CYTH1: variants seen among roughly 807,000 people sequenced by gnomAD.
The protein encoded by CYTH1 is cytohesin-1.
CYTH1 carries 18 observed loss-of-function variants against 61.8 expected under a neutral mutation model. The observed-to-expected ratio is 0.29, with a 90% CI of 0.20 to 0.43. The LOEUF is 0.43. Among genes scored for constraint, CYTH1 ranks in the 20% least tolerant of loss-of-function variants. The pLI is 1.00. For synonymous variants in CYTH1, 174 were observed against 184.3 expected (o/e 0.94, Z 0.45); for missense variants, 336 against 510.5 (o/e 0.66, Z 3.29).
At chr17:78,748,396 C>T (rs962824939) in intron 1 of CYTH1, among the ~76,000 whole-genome samples, 4 of 152,206 alleles carry the variant, frequency 2.6e-5, no homozygotes, top group African/African-American at 9.7e-5. Context: ...AAAATGTTTA[C>T]ACATCCAACA....
At position 78,702,259 on chromosome 17, in the gene CYTH1, G is replaced by A. The variant is rs538450868; in HGVS notation, c.238-19C>T. 129 of 1,586,378 alleles carry A rather than the reference G, an allele frequency of 8.1e-5. 1 individual carries two copies. The Middle Eastern group carries it at 1.5e-3, about 18-fold the overall frequency. On this transcript the variant is annotated intron_variant, in intron 4 of 13. Transcript: ENST00000446868. ...GGATCCCCTAGAAAAAGACAACAAA[G>A]ACGCCAATGATGCTTTGCTGGGAAA...
chr17:78,782,092 C>T, intron 1 of CYTH1, 110 bp downstream of exon 1: 1 of 997,580 alleles, frequency 1.0e-6, no homozygotes, highest in Non-Finnish European at 1.3e-6. Context: ...CCGCGTCCCG[C>T]ACCAGTGTCC....
At chr17:78,776,103 T>C (rs866436530) in intron 1 of CYTH1, among the ~76,000 whole-genome samples, 3 of 152,002 alleles carry the variant, frequency 2.0e-5, no homozygotes, top group African/African-American at 7.3e-5. Context: ...TGCAGTGAGC[T>C]AAGATCACGC....
At chr17:78,702,725 C>T (rs2093025013) in intron 3 of CYTH1, 121 bp from the exon 4 acceptor site, 1 of 1,072,094 alleles carries the variant, frequency 9.3e-7, no homozygotes. Context: ...AAGCAACAGG[C>T]ATAATCTGGT....
At chr17:78,749,520 A>C (rs1022698476) in intron 1 of CYTH1, among the ~76,000 whole-genome samples, 9 of 151,838 alleles carry the variant, frequency 5.9e-5, no homozygotes, top group African/African-American at 7.3e-5. Flanking sequence ...GGTCCCAGCT[A>C]CTCAGGAGAT....
chr17:78,753,578 T>C (rs2093389199), intron 1 of CYTH1, among the ~76,000 whole-genome samples: 1 of 152,282 alleles, frequency 6.6e-6, no homozygotes, highest in South Asian at 2.1e-4. Flanking sequence ...CCTAATTACA[T>C]GGGGTTTGTG....
At chr17:78,719,487 G>A (rs962400813) in intron 1 of CYTH1, among the ~76,000 whole-genome samples, 2 of 152,178 alleles carry the variant, frequency 1.3e-5, no homozygotes, top group African/African-American at 4.8e-5. Context: ...ACTGCAAGTG[G>A]AGAATGGCTT....
intron 1 of CYTH1, among the ~76,000 whole-genome samples, chr17:78,733,630 C>T (rs1182971346): frequency 6.6e-6 from 1 of 152,252 alleles, no homozygotes; most frequent in Non-Finnish European, 1.5e-5. Flanking sequence ...AGCAGCACAC[C>T]CGGCCACAGC....
intron 1 of CYTH1, among the ~76,000 whole-genome samples, chr17:78,719,429 GA>G (rs568636100): frequency 6.7e-6 from 1 of 150,168 alleles, no homozygotes. Context: ...CAGCAAACAA[GA>G]AAAAAAAACA....
At chr17:78,701,034 A>G (rs983962575) in intron 6 of CYTH1, among the ~76,000 whole-genome samples, 3 of 152,214 alleles carry the variant, frequency 2.0e-5, no homozygotes, top group African/African-American at 7.2e-5. Context: ...AATATACAAG[A>G]CTGAAACATA....
chr17:78,760,889 T>A (rs1248153165), intron 1 of CYTH1, among the ~76,000 whole-genome samples: 1 of 151,398 alleles, frequency 6.6e-6, no homozygotes, highest in African/African-American at 2.4e-5. Flanking sequence ...TCAGAGACAG[T>A]CTCTATATAT....
chr17:78,681,559 T>C (rs536455052), intron 11 of CYTH1, among the ~76,000 whole-genome samples: 72 of 152,126 alleles, frequency 4.7e-4, no homozygotes, highest in Non-Finnish European at 8.1e-4. Flanking sequence ...TCCACCTGGA[T>C]TTCCAAAGGC....
intron 1 of CYTH1, among the ~76,000 whole-genome samples, chr17:78,712,638 A>G (rs1014793227): frequency 1.3e-5 from 2 of 152,160 alleles, no homozygotes; most frequent in African/African-American, 4.8e-5. Context: ...CCTAGGCAAC[A>G]AGAGCACAAC....
intron 1 of CYTH1, among the ~76,000 whole-genome samples, chr17:78,760,586 T>C (rs1387295552): frequency 1.5e-4 from 1 of 6,848 alleles, no homozygotes; most frequent in Admixed American, 3.2e-3. Flanking sequence ...CATATATATG[T>C]ATATATATGT....
At chr17:78,730,371 A>G (rs1159586686) in intron 1 of CYTH1, among the ~76,000 whole-genome samples, 1 of 143,740 alleles carries the variant, frequency 7.0e-6, no homozygotes, top group Non-Finnish European at 1.5e-5. Context: ...TAAAAATACA[A>G]AAAAAAAAAA....
rs776652747 is a variant in CYTH1 at position 78,680,876 on chromosome 17, C to T, written c.963+95G>A. ...ATTAGACTAAATAAAAGCCTGATCA[C>T]GCTTTTCAGTTTTTTGGTTTTGAGT... is the stretch of plus-strand genomic sequence containing the variant. On this transcript the variant is annotated intron_variant, in intron 12 of 13. Coordinates refer to ENST00000446868, the MANE Select transcript of CYTH1 (RefSeq NM_004762.6). 1.2e-4 allele frequency: 139 copies of T among 1,206,880 alleles called. No individual in the cohort carries two copies. In the Admixed American group the frequency reaches 1.3e-3, roughly 11 times the overall value. The allele number at this position is 1,206,880 out of a possible 1,614,324, so 74.8% of individuals were successfully genotyped here.
intron 1 of CYTH1, among the ~76,000 whole-genome samples, chr17:78,731,025 T>C (rs2093291521): frequency 6.6e-6 from 1 of 152,138 alleles, no homozygotes; most frequent in African/African-American, 2.4e-5. Context: ...CACCAGCTGA[T>C]CTACAGGAAA....
rs56020680 is a variant in CYTH1 at position 78,733,076 on chromosome 17, C to CAAAAAAAAAAAAAA, written c.23-23358_23-23345dup. On this transcript the variant is annotated intron_variant, in intron 1 of 13. Coordinates refer to ENST00000446868, the MANE Select transcript of CYTH1 (RefSeq NM_004762.6). ...CTGGCAACAGAGTGAGACTCCATCT[C>CAAAAAAAAAAAAAA]AAAAAAAAAAAAAAAAAAAAAAAAA... 8.4e-5 allele frequency among the ~76,000 whole-genome samples: 4 copies of CAAAAAAAAAAAAAA among 47,724 alleles called. 1 individual carries two copies. The highest frequency in any genetic ancestry group is 1.0e-4 in the Non-Finnish European group (3 of 29,828). 31.3% of individuals were successfully genotyped at this position (47,724 alleles called of 152,430 possible).
At chr17:78,780,323 G>A (rs1348534036) in intron 1 of CYTH1, among the ~76,000 whole-genome samples, 1 of 152,052 alleles carries the variant, frequency 6.6e-6, no homozygotes, top group Non-Finnish European at 1.5e-5. Flanking sequence ...AGGCAACATA[G>A]GGAGACCTCC....
Sources: allele counts gnomAD v4.1 joint callset (sites outside exome capture counted in the v4.1 genomes callset), GRCh38; gene constraint gnomAD v4.1.1; transcripts MANE v1.5; gene names NCBI Gene and HGNC (gene_info 2026-07-23, HGNC 2026-07-21).